C2CD5: variants seen among roughly 807,000 people sequenced by gnomAD.
C2CD5 encodes the protein C2 domain-containing protein 5.
A neutral mutation model predicts 130.3 loss-of-function variants in C2CD5; 109 were observed. The ratio of observed to expected loss-of-function variants is 0.84; its 90% CI spans 0.72 to 0.98. The LOEUF is 0.98. Ranked by LOEUF, C2CD5 falls within the 50% of genes least tolerant of loss-of-function variation. C2CD5 has a pLI of 0.00. For synonymous variants in C2CD5, 454 were observed against 429.2 expected (o/e 1.06, Z -0.71); for missense variants, 996 against 1,261.8 (o/e 0.79, Z 3.19).
intron 25 of C2CD5, among the ~76,000 whole-genome samples, chr12:22,455,366 T>C (rs1939609222): frequency 6.6e-6 from 1 of 152,316 alleles, no homozygotes; most frequent in Non-Finnish European, 1.5e-5. Context: ...GATATGGTGC[T>C]ACACAATTAT....
chr12:22,468,690 G>A (rs1942504314), intron 22 of C2CD5, among the ~76,000 whole-genome samples: 1 of 152,074 alleles, frequency 6.6e-6, no homozygotes, highest in Non-Finnish European at 1.5e-5. Context: ...ATCACAAAAA[G>A]GAAAAAGGAC....
intron 2 of C2CD5, among the ~76,000 whole-genome samples, chr12:22,537,159 T>C (rs1951895520): frequency 6.6e-6 from 1 of 152,228 alleles, no homozygotes; most frequent in Admixed American, 6.5e-5. Context: ...AGTTGTGCTA[T>C]ACTGTGCCTT....
chr12:22,535,608 A>G (rs929079296), intron 2 of C2CD5, among the ~76,000 whole-genome samples: 2 of 152,182 alleles, frequency 1.3e-5, no homozygotes, highest in Non-Finnish European at 2.9e-5. Context: ...TAAAGAGCAT[A>G]TAGAGAGCAA....
intron 12 of C2CD5, among the ~76,000 whole-genome samples, chr12:22,489,898 C>T (rs1406142350): frequency 6.6e-6 from 1 of 152,080 alleles, no homozygotes; most frequent in Admixed American, 6.5e-5. Context: ...TCATACATGT[C>T]ACTTATCAAG....
chr12:22,466,557 G>A (rs1942114902), intron 22 of C2CD5, among the ~76,000 whole-genome samples: 1 of 151,968 alleles, frequency 6.6e-6, no homozygotes, highest in Non-Finnish European at 1.5e-5. Context: ...CCATTTTTAA[G>A]ACTCTATTAT....
intron 10 of C2CD5, chr12:22,502,941 TAAG>T: frequency 3.4e-6 from 2 of 582,992 alleles, no homozygotes; most frequent in East Asian, 2.8e-5. Context: ...GCAGAGTTAA[TAAG>T]AAGTAGAAAT....
At chr12:22,477,349 T>G (rs1943992287) in intron 15 of C2CD5, 1 of 152,270 alleles carries the variant, frequency 6.6e-6, no homozygotes, top group African/African-American at 2.4e-5. Flanking sequence ...AGTGCAGCTG[T>G]AGGTCATAAC....
chr12:22,519,096 A>AGTCTGAGCAGTCTC (rs771078336), intron 7 of C2CD5: 1 of 1,531,364 alleles, frequency 6.5e-7, no homozygotes, highest in South Asian at 1.2e-5. Flanking sequence ...CCAGCTCTGG[A>AGTCTGAGCAGTCTC]GTCTGAGCAG....
At position 22,536,919 on chromosome 12, in the gene C2CD5, T is replaced by A. The variant is rs1951872749; in HGVS notation, c.91-1575A>T. The stretch of plus-strand genomic sequence containing the variant: ...GGAAGAATAGAGGTTCTTGTTTAAT[T>A]ACTAATTTAATTTTCATTCCATTTA... On this transcript the variant is annotated intron_variant, in intron 2 of 26. Coordinates refer to ENST00000446597, the MANE Select transcript of C2CD5 (RefSeq NM_001286176.2). Among the ~76,000 whole-genome samples, 4 of 152,216 alleles carry A rather than the reference T, an allele frequency of 2.6e-5. No homozygotes were observed. The South Asian group carries it at 8.3e-4, about 32-fold the overall frequency.
At chr12:22,527,271 C>A (rs1196031242) in intron 4 of C2CD5, among the ~76,000 whole-genome samples, 3 of 149,056 alleles carry the variant, frequency 2.0e-5, no homozygotes, top group African/African-American at 2.5e-5. Context: ...CAATAATTTA[C>A]TATTATTTAT....
At chr12:22,500,251 G>GAA (rs368222026) in intron 10 of C2CD5, among the ~76,000 whole-genome samples, 46 of 131,518 alleles carry the variant, frequency 3.5e-4, no homozygotes, top group Admixed American at 1.7e-3. Context: ...AAAGGAGACA[G>GAA]AAAAAAAAAA....
intron 12 of C2CD5, among the ~76,000 whole-genome samples, chr12:22,488,224 T>G (rs1343867856): frequency 6.7e-6 from 1 of 150,284 alleles, no homozygotes; most frequent in East Asian, 2.0e-4. Flanking sequence ...AGCAAACAAA[T>G]GAGGATAAGA....
intron 10 of C2CD5, among the ~76,000 whole-genome samples, chr12:22,502,384 T>C (rs545917011): frequency 3.9e-5 from 6 of 152,238 alleles, no homozygotes; most frequent in Middle Eastern, 6.8e-3. Context: ...ATTACTTATA[T>C]TTAACAAATA....
intron 9 of C2CD5, chr12:22,512,698 TTA>T: frequency 6.8e-7 from 1 of 1,472,130 alleles, no homozygotes; most frequent in Non-Finnish European, 9.0e-7. Context: ...TGAAGTTTAT[TTA>T]AAAAAAAAAA....
At chr12:22,505,258 T>TC (rs201186811) in intron 10 of C2CD5, among the ~76,000 whole-genome samples, 15 of 144,912 alleles carry the variant, frequency 1.0e-4, no homozygotes, top group Admixed American at 4.1e-4. Context: ...TTCTTTCTTT[T>TC]TTTTTTTTTT....
chr12:22,532,520 G>C (rs1277200678), intron 3 of C2CD5, among the ~76,000 whole-genome samples: 3 of 152,116 alleles, frequency 2.0e-5, no homozygotes, highest in Admixed American at 2.0e-4. Flanking sequence ...ACCAGAAATA[G>C]AATTTGTTTT....
rs1293263867 is a variant in C2CD5 at position 22,544,454 on chromosome 12, A to C, written c.-164T>G. On this transcript the variant is annotated 5_prime_UTR_variant, in exon 1 of 27. The change abolishes an upstream ATG in the 5' untranslated region. Transcript: ENST00000446597. The stretch of plus-strand genomic sequence containing the variant: ...GGACGAAAAGCAAAACCCAGTCAGC[A>C]TCCCGTTGAGCCTCTGCCGCCCCTG... 3.9e-6 allele frequency: 1 copy of C among 258,656 alleles called. No individual in the cohort carries two copies. The highest frequency in any genetic ancestry group is 2.3e-5 in the African/African-American group (1 of 43,900). 16.0% of individuals were successfully genotyped at this position (258,656 alleles called of 1,614,324 possible). A position where few individuals can be genotyped will look rare whatever the true frequency, so the allele number is the denominator to read the frequency against.
At chr12:22,515,994 A>G (rs1949681973) in intron 8 of C2CD5, among the ~76,000 whole-genome samples, 1 of 151,634 alleles carries the variant, frequency 6.6e-6, no homozygotes, top group Admixed American at 6.6e-5. Flanking sequence ...GAAATATAAA[A>G]TTTTTTAAAA....
At chr12:22,513,452 C>A in intron 8 of C2CD5, 73 bp from the exon 9 acceptor site, 1 of 874,034 alleles carries the variant, frequency 1.1e-6, no homozygotes, top group Non-Finnish European at 2.0e-6. Flanking sequence ...CATTCATCTT[C>A]ATAAACATCA....
Sources: gnomAD v4.1 joint callset for allele counts (sites outside exome capture counted in the v4.1 genomes callset) on GRCh38, gnomAD v4.1.1 for gene constraint, MANE v1.5 for transcripts, NCBI Gene and HGNC (gene_info 2026-07-23, HGNC 2026-07-21) for gene names.